NTM: variants seen among roughly 807,000 people sequenced by gnomAD.
NTM encodes neurotrimin.
In NTM, 13 loss-of-function variants were observed where a neutral mutation model predicts 42.1. That is an observed-to-expected ratio of 0.31 (90% CI 0.20 to 0.49). The LOEUF is 0.49. NTM is among the 20% of genes least tolerant of loss of function. The pLI is 0.99. For missense variants in NTM, 373 were observed against 452.8 expected (o/e 0.82, Z 1.60); for synonymous variants, 187 against 179.2 (o/e 1.04, Z -0.35).
chr11:131,961,987 A>G (rs1184295430), intron 2 of NTM, among the ~76,000 whole-genome samples: 2 of 152,104 alleles, frequency 1.3e-5, no homozygotes, highest in Non-Finnish European at 2.9e-5. Context: ...AGGCTCCATC[A>G]GCAACTTGAT....
At chr11:132,067,825 G>T (rs1269249849) in intron 2 of NTM, among the ~76,000 whole-genome samples, 1 of 152,170 alleles carries the variant, frequency 6.6e-6, no homozygotes, top group African/African-American at 2.4e-5. Context: ...GCACATGTTT[G>T]CAACTTTGTA....
chr11:131,415,534 C>T (rs560875900), intron 1 of NTM, among the ~76,000 whole-genome samples: 1 of 152,272 alleles, frequency 6.6e-6, no homozygotes, highest in South Asian at 2.1e-4. Context: ...CAAAATTGCA[C>T]ATCTAGTAAA....
chr11:131,839,396 G>T (rs776153872), intron 1 of NTM, among the ~76,000 whole-genome samples: 1 of 152,218 alleles, frequency 6.6e-6, no homozygotes, highest in Non-Finnish European at 1.5e-5. Context: ...GCTGATGTTA[G>T]AGCAAATATG....
intron 2 of NTM, among the ~76,000 whole-genome samples, chr11:131,978,000 G>A (rs368526903): frequency 1.3e-5 from 2 of 152,194 alleles, no homozygotes; most frequent in African/African-American, 4.8e-5. Context: ...TATGTCCAAG[G>A]GGGACGCCCT....
intron 1 of NTM, among the ~76,000 whole-genome samples, chr11:131,727,534 A>G (rs752981622): frequency 6.6e-6 from 1 of 152,174 alleles, no homozygotes; most frequent in Non-Finnish European, 1.5e-5. Context: ...CCAGCCTACC[A>G]ATATGCCAGG....
In NTM at chr11:132,014,810, A is replaced by G. The variant is rs144115644; in HGVS notation, c.167+103162A>G. On this transcript the variant is annotated intron_variant, in intron 2 of 8. Transcript: ENST00000683400. ...TAGATTATTTCCTTATTGGATAAAT[A>G]GTTTGCAAATACTTTCTCCCATTCC... Among the ~76,000 whole-genome samples the G allele has an allele frequency of 4.5e-3, 637 of 140,456 alleles. 4 individuals are homozygous for G. The highest frequency in any genetic ancestry group is 0.017 in the African/African-American group (612 of 36,872). 92.1% of individuals were successfully genotyped at this position (140,456 alleles called of 152,430 possible).
chr11:131,938,720 G>T (rs187978969), intron 2 of NTM, among the ~76,000 whole-genome samples: 133 of 152,292 alleles, frequency 8.7e-4, no homozygotes, highest in African/African-American at 3.0e-3. Context: ...GGTGGTGGTG[G>T]TGTGGAAGGA....
At chr11:131,390,638 T>G (rs1253077373) in intron 1 of NTM, among the ~76,000 whole-genome samples, 2 of 152,150 alleles carry the variant, frequency 1.3e-5, no homozygotes, top group Non-Finnish European at 2.9e-5. Context: ...AAGAAAGTGG[T>G]GCAGGCCTGG....
intron 1 of NTM, among the ~76,000 whole-genome samples, chr11:131,863,283 G>C (rs1435402134): frequency 6.6e-6 from 1 of 152,194 alleles, no homozygotes; most frequent in African/African-American, 2.4e-5. Context: ...GCTCCTCAAA[G>C]CCTGCTTCTG....
At chr11:131,732,730 G>C (rs1565479878) in intron 1 of NTM, among the ~76,000 whole-genome samples, 1 of 152,056 alleles carries the variant, frequency 6.6e-6, no homozygotes, top group Non-Finnish European at 1.5e-5. Context: ...ATTCCTAGAG[G>C]GTACTGGAGT....
At chr11:132,081,743 G>T (rs925159554) in intron 2 of NTM, among the ~76,000 whole-genome samples, 2 of 150,130 alleles carry the variant, frequency 1.3e-5, no homozygotes, top group Non-Finnish European at 3.0e-5. Flanking sequence ...AAAAAAGATA[G>T]AAGCCAGACT....
intron 1 of NTM, among the ~76,000 whole-genome samples, chr11:131,571,470 G>A (rs190285090): frequency 2.6e-5 from 4 of 152,312 alleles, no homozygotes; most frequent in South Asian, 2.1e-4. Context: ...TGGAAATGGC[G>A]CCAGCTCCCA....
intron 2 of NTM, among the ~76,000 whole-genome samples, chr11:132,129,776 C>T (rs2066497144): frequency 6.6e-6 from 1 of 152,188 alleles, no homozygotes; most frequent in African/African-American, 2.4e-5. Flanking sequence ...CCAAGAAGAG[C>T]ATACAGTACA....
Position 131,806,674 on chromosome 11 carries a change from G to A in NTM, c.83-104890G>A, listed in dbSNP as rs539286582. Among the ~76,000 whole-genome samples, 5 of 152,160 alleles carry A rather than the reference G, an allele frequency of 3.3e-5. No homozygotes were observed. The South Asian group carries it at 6.2e-4, about 19-fold the overall frequency. ...AGTGGCAGAGCGAGGAGTGGTTCCC[G>A]GATTTTATGCTTCCAGGTCTAATGC... is the stretch of plus-strand genomic sequence containing the variant. On this transcript the variant is annotated intron_variant, in intron 1 of 8. Transcript: ENST00000683400.
intron 2 of NTM, among the ~76,000 whole-genome samples, chr11:132,001,793 C>A (rs980817933): frequency 1.3e-5 from 2 of 151,958 alleles, no homozygotes; most frequent in African/African-American, 2.4e-5. Flanking sequence ...CACACACACA[C>A]ACACACATAC....
intron 3 of NTM, among the ~76,000 whole-genome samples, chr11:132,197,387 T>A (rs1396427821): frequency 1.3e-5 from 2 of 152,194 alleles, no homozygotes; most frequent in African/African-American, 4.8e-5. Flanking sequence ...TAATTCTATT[T>A]TTGATCTTTT....
At chr11:131,797,939 C>G (rs1347250719) in intron 1 of NTM, among the ~76,000 whole-genome samples, 2 of 151,976 alleles carry the variant, frequency 1.3e-5, no homozygotes, top group African/African-American at 4.8e-5. Flanking sequence ...GCATTCAACT[C>G]GGTTTTGTTT....
chr11:131,417,370 T>C (rs77296606), intron 1 of NTM, among the ~76,000 whole-genome samples: 1,746 of 152,364 alleles, frequency 0.011, 14 homozygotes, highest in Non-Finnish European at 0.019. Flanking sequence ...AATGCTTTCC[T>C]GGCTCCAGAA....
chr11:132,037,048 A>G (rs1001988981), intron 2 of NTM, among the ~76,000 whole-genome samples: 3 of 152,008 alleles, frequency 2.0e-5, no homozygotes, highest in South Asian at 2.1e-4. Flanking sequence ...TCCAGATGCT[A>G]TAGTTTGGAT....
Sources: gnomAD v4.1 joint callset for allele counts (sites outside exome capture counted in the v4.1 genomes callset) on GRCh38, gnomAD v4.1.1 for gene constraint, MANE v1.5 for transcripts, NCBI Gene and HGNC (gene_info 2026-07-23, HGNC 2026-07-21) for gene names.